The following PPP2R2D variants were observed in gnomAD, a reference collection of about 807,000 sequenced individuals.
PPP2R2D encodes the protein protein phosphatase 2 regulatory subunit Bdelta, also known as serine/threonine-protein phosphatase 2A 55 kDa regulatory subunit B delta isoform.
In PPP2R2D, 9 loss-of-function variants were observed where a neutral mutation model predicts 31.1. That is an observed-to-expected ratio of 0.29 (90% confidence interval 0.17 to 0.51). The LOEUF (loss-of-function observed/expected upper bound fraction) is 0.51. Ranked by LOEUF, PPP2R2D falls within the 20% of genes least tolerant of loss-of-function variation. The pLI, the probability that PPP2R2D is intolerant of heterozygous loss-of-function variation, is 0.98. For missense variants in PPP2R2D, 391 were observed against 465.6 expected (o/e 0.84, Z 1.48); for synonymous variants, 179 against 172.6 (o/e 1.04, Z -0.29).
intron 2 of PPP2R2D, among the ~76,000 whole-genome samples, chr10:131,904,606 G>A (rs1355534784): frequency 6.0e-4 from 91 of 152,324 alleles, no homozygotes; most frequent in Non-Finnish European, 1.2e-4. Context: ...TGTTTGTTTA[G>A]ATTTGTGGCT....
chr10:131,908,518 A>C (rs1006867022), intron 2 of PPP2R2D, among the ~76,000 whole-genome samples: 11 of 152,230 alleles, frequency 7.2e-5, no homozygotes, highest in Admixed American at 2.6e-4. Flanking sequence ...CGTCTCTCCC[A>C]CTGGATGTCA....
intron 2 of PPP2R2D, among the ~76,000 whole-genome samples, chr10:131,918,052 GTGTT>G (rs200807065): frequency 0.13 from 13,302 of 100,686 alleles, 1,432 homozygotes; most frequent in East Asian, 0.26. Context: ...GGATGACACA[GTGTT>G]TGTAGGGACC....
At chr10:131,906,412 A>C (rs1195477391) in intron 2 of PPP2R2D, among the ~76,000 whole-genome samples, 1 of 152,150 alleles carries the variant, frequency 6.6e-6, no homozygotes, top group African/African-American at 2.4e-5. Flanking sequence ...CCTGTTTCTA[A>C]AGAGATAGAC....
rs1323357112 is a variant in PPP2R2D, at chr10:131,957,440, C to T, written c.*1477C>T. 3.7e-5 allele frequency: 6 copies of T among 163,090 alleles called. No individual in the cohort carries two copies. The highest frequency in any genetic ancestry group is 2.8e-4 in the Admixed American group (4 of 14,076). The allele number at this position is 163,090 out of a possible 1,614,324, so 10.1% of individuals were successfully genotyped here. A position where few individuals can be genotyped will look rare whatever the true frequency, so the allele number is the denominator to read the frequency against. ...TGTGCTGATCCCCCATCCCATCCCCCTGTCTAGATGAAGGTGTGTGCTGAT... is the reference window on the plus strand; with the variant it reads ...TGTGCTGATCCCCCATCCCATCCCCTTGTCTAGATGAAGGTGTGTGCTGAT... On this transcript the variant is annotated 3_prime_UTR_variant, in exon 9 of 9. Coordinates refer to ENST00000455566, the MANE Select transcript of PPP2R2D (RefSeq NM_018461.5).
intron 8 of PPP2R2D, among the ~76,000 whole-genome samples, chr10:131,949,182 G>A (rs2036597236): frequency 6.6e-6 from 1 of 152,228 alleles, no homozygotes; most frequent in Non-Finnish European, 1.5e-5. Flanking sequence ...TCATGGCACA[G>A]CTGGCAGCAT....
intron 2 of PPP2R2D, among the ~76,000 whole-genome samples, chr10:131,904,263 G>C (rs1421909842): frequency 1.4e-5 from 2 of 147,956 alleles, no homozygotes; most frequent in East Asian, 4.0e-4. Context: ...TGTAATCCCA[G>C]CACTTTGGGA....
At chr10:131,965,680 A>G in the PPP2R2D span, among the ~76,000 whole-genome samples, 3 of 152,174 alleles carry the variant, frequency 2.0e-5, no homozygotes, top group Non-Finnish European at 4.4e-5. Flanking sequence ...TCCTGAGCCC[A>G]GGCAATCCAC....
chr10:131,941,607 C>T (rs1291742027), intron 5 of PPP2R2D, among the ~76,000 whole-genome samples: 1 of 152,058 alleles, frequency 6.6e-6, no homozygotes, highest in Non-Finnish European at 1.5e-5. Context: ...AGATTTCAGC[C>T]CCTTTTACAC....
At position 131,945,256 on chromosome 10, in the gene PPP2R2D, A is replaced by C. The variant is rs782389804; in HGVS notation, c.656-39A>C. ...ACTGAATGTAGACTAATTAACAACC[A>C]GCTGAGCTGAGCACTGTGCCTTAAC... On this transcript the variant is annotated intron_variant, in intron 6 of 8. Coordinates refer to ENST00000455566, the MANE Select transcript of PPP2R2D (RefSeq NM_018461.5). The surrounding 1 kb of genome is among the most constrained non-coding windows in gnomAD (Gnocchi z 4.8). The C allele has an allele frequency of 6.3e-7, 1 of 1,586,442 alleles. No individual in the cohort carries two copies. Among genetic ancestry groups the C allele is most frequent in the Non-Finnish European group, 8.6e-7 (1 of 1,163,530 alleles).
At chr10:131,926,056 A>G (rs1223175819) in intron 2 of PPP2R2D, among the ~76,000 whole-genome samples, 1 of 152,192 alleles carries the variant, frequency 6.6e-6, no homozygotes, top group Admixed American at 6.5e-5. Flanking sequence ...CCCATGCACA[A>G]TGACCTGGGC....
chr10:131,952,762 G>C (rs1370226236), intron 8 of PPP2R2D, among the ~76,000 whole-genome samples: 4 of 116,878 alleles, frequency 3.4e-5, no homozygotes. Context: ...TGTGCGGGGG[G>C]TTCACTGTCT....
intron 2 of PPP2R2D, among the ~76,000 whole-genome samples, chr10:131,933,938 T>C (rs2036290244): frequency 6.6e-6 from 1 of 152,154 alleles, no homozygotes; most frequent in Non-Finnish European, 1.5e-5. Context: ...TGGTGGTAAC[T>C]GTATCCAGAC....
chr10:131,935,442 C>G (rs892874948), intron 3 of PPP2R2D, among the ~76,000 whole-genome samples: 1 of 152,186 alleles, frequency 6.6e-6, no homozygotes, highest in Non-Finnish European at 1.5e-5. Flanking sequence ...TTGGTGGGCC[C>G]TGGTTCCCCT....
rs782300124 is a variant in PPP2R2D, at chr10:131,945,291, C to G, written c.656-4C>G. On this transcript the variant is annotated splice_polypyrimidine_tract_variant and splice_region_variant and intron_variant, in intron 6 of 8. Transcript: ENST00000455566. The surrounding 1 kb of genome is among the most constrained non-coding windows in gnomAD (Gnocchi z 4.8). ...AGCACTGTGCCTTAACCATGCACTC[C>G]CAGACATCGTGGACATCAAGCCTGC... 1.7e-4 allele frequency: 282 copies of G among 1,612,190 alleles called. No homozygotes were observed. Among genetic ancestry groups the G allele is most frequent in the Non-Finnish European group, 2.2e-4 (258 of 1,178,946 alleles).
intron 5 of PPP2R2D, 129 bp downstream of exon 5, chr10:131,940,823 G>A: frequency 5.1e-6 from 3 of 583,280 alleles, no homozygotes; most frequent in Non-Finnish European, 9.3e-6. Flanking sequence ...CGTGATTCCT[G>A]AAAGTCGTTT....
Position 131,943,950 on chromosome 10 carries a change from A to G in PPP2R2D, c.478-18A>G. 1.2e-6 allele frequency: 1 copy of G among 805,262 alleles called. No individual in the cohort carries two copies. Among genetic ancestry groups the G allele is most frequent in the Non-Finnish European group, 2.2e-6 (1 of 445,192 alleles). 49.9% of individuals were successfully genotyped at this position (805,262 alleles called of 1,614,324 possible). On this transcript the variant is annotated intron_variant, in intron 5 of 8. Transcript: ENST00000455566. Reference sequence around the variant, plus strand: ...GCTGTGATCTTTGTTTTGAATTCCTATTTCCTTCCATTTTTAGGTCCCAAT... The same window carrying G: ...GCTGTGATCTTTGTTTTGAATTCCTGTTTCCTTCCATTTTTAGGTCCCAAT...
chr10:131,967,755 G>C, the PPP2R2D span: 1 of 152,556 alleles, frequency 6.6e-6, no homozygotes, highest in African/African-American at 2.4e-5. Flanking sequence ...GATTTGCTTA[G>C]AATAAAGCTG....
chr10:131,952,790 GC>G (rs2036696745), intron 8 of PPP2R2D, among the ~76,000 whole-genome samples: 2 of 125,896 alleles, frequency 1.6e-5, no homozygotes, highest in Non-Finnish European at 3.3e-5. Context: ...TTGCGGGTGT[GC>G]AGGGGGTTCA....
rs1041541982 is a variant in PPP2R2D at position 131,947,080 on chromosome 10, A to G, written c.821-450A>G. ...GACCGCTGTGTCTGCATGACCATAT[A>G]ATGCTGTTTGTGTCTTCCTGTGATG... On this transcript the variant is annotated intron_variant, in intron 7 of 8. Transcript: ENST00000455566. The surrounding 1 kb of genome is among the most constrained non-coding windows in gnomAD (Gnocchi z 4.3). 7.9e-5 allele frequency among the ~76,000 whole-genome samples: 12 copies of G among 152,154 alleles called. No homozygotes were observed. The highest frequency in any genetic ancestry group is 2.9e-4 in the African/African-American group (12 of 41,440).
Sources: allele counts gnomAD v4.1 joint callset (sites outside exome capture counted in the v4.1 genomes callset), GRCh38; gene constraint gnomAD v4.1.1; non-coding constraint Gnocchi (gnomAD v3.1); transcripts MANE v1.5; gene names NCBI Gene and HGNC (gene_info 2026-07-23, HGNC 2026-07-21).